Variants in TLN2 observed in about 807,000 individuals in gnomAD.
The protein encoded by TLN2 is talin 2.
In TLN2, 118 loss-of-function variants were observed where a neutral mutation model predicts 294.7. That is an observed-to-expected ratio of 0.40 (90% CI 0.34 to 0.47). TLN2 has a LOEUF of 0.47. TLN2 is among the 20% of genes least tolerant of loss of function. The pLI is 0.84. For missense variants in TLN2, 3,083 were observed against 3,282.2 expected (o/e 0.94, Z 1.48); for synonymous variants, 1,431 against 1,304.5 (o/e 1.10, Z -2.09).
chr15:62,614,351 C>T (rs980335250), intron 2 of TLN2, among the ~76,000 whole-genome samples: 5 of 152,178 alleles, frequency 3.3e-5, no homozygotes, highest in African/African-American at 1.2e-4. Context: ...GTCTTCTGAT[C>T]AAATCCTCTG....
rs576181322 is a variant in TLN2 at position 62,793,854 on chromosome 15, G to A, written c.5883+1067G>A. ...AAACTTGGCAACAGACTTGAGGGGC[G>A]GGCAGGGGGGACCCTCAACTGGAAG... On this transcript the variant is annotated intron_variant, in intron 46 of 58. Transcript: ENST00000636159. 4.0e-5 allele frequency among the ~76,000 whole-genome samples: 6 copies of A among 151,782 alleles called. No individual in the cohort carries two copies. The East Asian group carries it at 5.8e-4, about 15-fold the overall frequency.
Position 62,392,210 on chromosome 15 carries a change from GATTCTTGCT to G in TLN2, c.-238+1526_-238+1534del, listed in dbSNP as rs1212727943. 7.9e-5 allele frequency among the ~76,000 whole-genome samples: 12 copies of G among 152,358 alleles called. No homozygotes were observed. In the East Asian group the frequency reaches 2.1e-3, roughly 27 times the overall value. On this transcript the variant is annotated intron_variant, in intron 1 of 58. Transcript: ENST00000636159. ...TTCAGGTGACGCGTGGGGAAACTTG[GATTCTTGCT>G]GTCCTTGAAGAGCTGGGACAACTTA...
At chr15:62,834,117 AT>A (rs1238370744) in intron 55 of TLN2, 11 of 152,532 alleles carry the variant, frequency 7.2e-5, no homozygotes, top group African/African-American at 2.4e-4. Flanking sequence ...TAAATCTGAA[AT>A]TTCTTCAGCT....
At position 62,656,015 on chromosome 15, in the gene TLN2, C is replaced by T. The variant is rs968813596; in HGVS notation, c.589C>T (p.Arg197Trp). The part of the protein sequence containing the change: ...VDENETLLLR[R>W]KFFYSDQNVD... ...TGAAAACGAAACGTTGCTGCTTAGACGGAAGTTCTTTTACTCTGATCAGAA... is the reference window on the plus strand; with the variant it reads ...TGAAAACGAAACGTTGCTGCTTAGATGGAAGTTCTTTTACTCTGATCAGAA... The change falls in exon 8 of 59, where the codon CGG becomes TGG. Residue 197 changes from arginine to tryptophan, a missense_variant. Physicochemically the swap from Arg to Trp is moderately radical, Grantham distance 101 (BLOSUM62 -3). Coordinates refer to ENST00000636159, the MANE Select transcript of TLN2 (RefSeq NM_015059.3). 1.9e-5 allele frequency: 30 copies of T among 1,614,126 alleles called. No individual in the cohort carries two copies. Among genetic ancestry groups the T allele is most frequent in the Non-Finnish European group, 2.5e-5 (29 of 1,180,020 alleles).
chr15:62,764,020 G>A (rs542595382), intron 40 of TLN2, among the ~76,000 whole-genome samples: 1 of 152,200 alleles, frequency 6.6e-6, no homozygotes, highest in South Asian at 2.1e-4. Context: ...CACATCAGTA[G>A]AGTGGACCTA....
At chr15:62,613,325 G>T (rs759207523) in intron 2 of TLN2, among the ~76,000 whole-genome samples, 1 of 152,176 alleles carries the variant, frequency 6.6e-6, no homozygotes, top group Non-Finnish European at 1.5e-5. Context: ...ATACACCTTT[G>T]TAATTATTTA....
chr15:62,485,656 TC>T (rs2038349861), intron 1 of TLN2, among the ~76,000 whole-genome samples: 1 of 152,184 alleles, frequency 6.6e-6, no homozygotes. Context: ...CCTCTCCCAC[TC>T]CCCTGCTTAG....
intron 52 of TLN2, among the ~76,000 whole-genome samples, chr15:62,816,451 C>G (rs1374261474): frequency 6.6e-6 from 1 of 152,212 alleles, no homozygotes; most frequent in Non-Finnish European, 1.5e-5. Flanking sequence ...TATCAGAAAT[C>G]ATGTTGACTT....
At position 62,571,447 on chromosome 15, in the gene TLN2, G is replaced by A. The variant is rs1034263422; in HGVS notation, c.-237-18240G>A. 1.3e-5 allele frequency among the ~76,000 whole-genome samples: 2 copies of A among 152,122 alleles called. 1 individual carries two copies. Among genetic ancestry groups the A allele is most frequent in the South Asian group, 4.1e-4 (2 of 4,822 alleles). Reference sequence around the variant, plus strand: ...AAAACTTAATAGACTCTATCCCTACGGAACTGTCCGTCTACCCTTAAAACC... The same window carrying A: ...AAAACTTAATAGACTCTATCCCTACAGAACTGTCCGTCTACCCTTAAAACC... On this transcript the variant is annotated intron_variant, in intron 1 of 58. Transcript: ENST00000636159.
chr15:62,804,871 T>C (rs1051596822), intron 50 of TLN2, among the ~76,000 whole-genome samples: 1 of 152,078 alleles, frequency 6.6e-6, no homozygotes, highest in Non-Finnish European at 1.5e-5. Flanking sequence ...GGGGCCCTCG[T>C]GTAGGGACAG....
At position 62,650,158 on chromosome 15, in the gene TLN2, G is replaced by C; in HGVS notation, c.211G>C (p.Asp71His). The change falls in exon 5 of 59, where the codon GAT (aspartate) becomes CAT (histidine). Residue 71 changes from aspartate (D) to histidine (H), a missense_variant. Coordinates refer to ENST00000636159, the MANE Select transcript of TLN2 (RefSeq NM_015059.3). ...TTGGCTGGAAGCGGGCAGAACACTG[G>C]ATTACTACATGTTGCGGAATGGGGT... ...GIWLEAGRTLDYYMLRNGDIL... is the reference protein window; with the variant it reads ...GIWLEAGRTLHYYMLRNGDIL... 6.2e-7 allele frequency: 1 copy of C among 1,614,196 alleles called. No homozygotes were observed. The highest frequency in any genetic ancestry group is 8.5e-7 in the Non-Finnish European group (1 of 1,180,026).
intron 3 of TLN2, among the ~76,000 whole-genome samples, chr15:62,631,788 T>G (rs755681614): frequency 6.6e-6 from 1 of 151,654 alleles, no homozygotes; most frequent in Non-Finnish European, 1.5e-5. Context: ...TCCCTATGTT[T>G]CCCAAGCTGT....
At chr15:62,617,962 C>CTT (rs768055599) in intron 2 of TLN2, among the ~76,000 whole-genome samples, 46 of 136,144 alleles carry the variant, frequency 3.4e-4, no homozygotes, top group African/African-American at 8.6e-4. Flanking sequence ...TCAGGCAATT[C>CTT]TTTTTTTTTT....
chr15:62,595,592 C>T (rs4774441), intron 2 of TLN2, among the ~76,000 whole-genome samples: 61,627 of 151,910 alleles, frequency 0.41, 12,971 homozygotes, highest in East Asian at 0.58. Flanking sequence ...TCCAACATGT[C>T]GAAGAGATGT....
At chr15:62,624,538 T>G (rs1209131301) in intron 3 of TLN2, among the ~76,000 whole-genome samples, 1 of 152,218 alleles carries the variant, frequency 6.6e-6, no homozygotes, top group Non-Finnish European at 1.5e-5. Context: ...TTGAAAGGCA[T>G]AAGATTTTCT....
intron 1 of TLN2, among the ~76,000 whole-genome samples, chr15:62,576,634 A>AG (rs1438615857): frequency 9.0e-6 from 1 of 110,700 alleles, no homozygotes; most frequent in Non-Finnish European, 1.8e-5. Flanking sequence ...AAGAGACTGG[A>AG]GGGGAAAAAA....
intron 1 of TLN2, among the ~76,000 whole-genome samples, chr15:62,494,909 C>T (rs1320777216): frequency 2.0e-5 from 3 of 152,088 alleles, no homozygotes; most frequent in Non-Finnish European, 2.9e-5. Flanking sequence ...AGATGCTGCC[C>T]GCTCCCCACA....
chr15:62,560,286 G>C (rs1242570639), intron 1 of TLN2, among the ~76,000 whole-genome samples: 1 of 152,154 alleles, frequency 6.6e-6, no homozygotes, highest in Non-Finnish European at 1.5e-5. Flanking sequence ...TGCCACCCAG[G>C]CTGGAGTGCG....
chr15:62,693,958 T>TC (rs1425856649), intron 13 of TLN2, among the ~76,000 whole-genome samples: 67 of 1,638 alleles, frequency 0.041, no homozygotes, highest in East Asian at 0.38. Flanking sequence ...TTTCTTTCTT[T>TC]TTTTTTTTTT....
Sources: gnomAD v4.1 joint callset for allele counts (sites outside exome capture counted in the v4.1 genomes callset) on GRCh38, gnomAD v4.1.1 for gene constraint, MANE v1.5 for transcripts, NCBI Gene and HGNC (gene_info 2026-07-23, HGNC 2026-07-21) for gene names.